ZFPM1: variants seen among roughly 807,000 people sequenced by gnomAD.
The protein encoded by ZFPM1 is zinc finger protein ZFPM1.
A neutral mutation model predicts 46.3 loss-of-function variants in ZFPM1; 28 were observed. That is an observed-to-expected ratio of 0.60 (90% CI 0.45 to 0.83). The LOEUF (loss-of-function observed/expected upper bound fraction) is 0.83, where lower values mean the gene tolerates loss of function less well. ZFPM1 is among the 40% of genes least tolerant of loss of function. The probability of loss-of-function intolerance (pLI) is 0.00; values close to 1 mark genes in which losing one functional copy is unlikely to be tolerated. For missense variants in ZFPM1, 1,878 were observed against 1,432.4 expected (o/e 1.31, Z -5.02); for synonymous variants, 957 against 675.9 (o/e 1.42, Z -6.45).
rs550519873 is a variant in ZFPM1, at chr16:88,518,459, G to C, written c.402+3939G>C. Among the ~76,000 whole-genome samples, 579 of 151,982 alleles carry C rather than the reference G, an allele frequency of 3.8e-3. 10 individuals carry two copies. Among genetic ancestry groups the C allele is most frequent in the Non-Finnish European group, 7.7e-4 (52 of 67,956 alleles). On this transcript the variant is annotated intron_variant, in intron 4 of 9. Transcript: ENST00000319555. ...GGATGCATGGATAGATGGATGGTGG[G>C]TGGATGGGTGGGTAGATGGGTAGAT...
intron 1 of ZFPM1, among the ~76,000 whole-genome samples, chr16:88,472,304 C>T (rs1244238434): frequency 2.0e-5 from 3 of 152,068 alleles, no homozygotes; most frequent in African/African-American, 7.2e-5. Flanking sequence ...GCGCCTGCTG[C>T]CACCACAGCA....
rs755607416 is a variant in ZFPM1, at chr16:88,534,817, G to A, written c.2859G>A (p.Ser953=). Residue 953 remains serine (S), a synonymous_variant, in exon 10 of 10, where the codon TCG becomes TCA. Transcript: ENST00000319555. ...VPPPPAPPSY[S]DKGVQTPSKG... ...CCCCGCCGGCGCCCCCCTCCTACTC[G>A]GACAAGGGCGTCCAGACTCCCAGCA... The A allele has an allele frequency of 3.3e-6, 5 of 1,512,422 alleles. No homozygotes were observed. In the African/African-American group the frequency reaches 7.1e-5, roughly 22 times the overall value. The allele number at this position is 1,512,422 out of a possible 1,614,324, so 93.7% of individuals were successfully genotyped here.
intron 1 of ZFPM1, among the ~76,000 whole-genome samples, chr16:88,459,186 C>T (rs1226905506): frequency 1.3e-5 from 2 of 152,194 alleles, no homozygotes; most frequent in Admixed American, 1.3e-4. Context: ...TGCCTGATGG[C>T]CTTGCCAGCC....
chr16:88,460,557 C>A (rs1200681369), intron 1 of ZFPM1, among the ~76,000 whole-genome samples: 2 of 152,226 alleles, frequency 1.3e-5, no homozygotes, highest in East Asian at 3.9e-4. Flanking sequence ...CTCTGCCCAA[C>A]ACCAGCCTTC....
intron 3 of ZFPM1, among the ~76,000 whole-genome samples, chr16:88,495,560 T>G (rs1288728590): frequency 6.6e-6 from 1 of 152,206 alleles, no homozygotes; most frequent in Non-Finnish European, 1.5e-5. Context: ...TGTGTCTGTC[T>G]GGGAGGCAGC....
chr16:88,526,285 G>T (rs369896789), intron 4 of ZFPM1, among the ~76,000 whole-genome samples: 6 of 152,322 alleles, frequency 3.9e-5, no homozygotes, highest in African/African-American at 1.2e-4. Flanking sequence ...AGGGTTGCTA[G>T]GGAAGTGCCG....
chr16:88,533,546 G>C lies in ZFPM1; in HGVS notation c.1588G>C (p.Val530Leu), dbSNP rs768976430. ...LAGALFLPQYVFGPDAAPPAS... is the reference protein window; with the variant it reads ...LAGALFLPQYLFGPDAAPPAS... ...CGGGGCCCTGTTCCTTCCGCAGTAC[G>C]TGTTCGGGCCCGACGCGGCGCCCCC... The change falls in exon 10 of 10, where the codon GTG becomes CTG. Residue 530 changes from valine to leucine, a missense_variant. By Grantham distance (32) the Val-to-Leu change is conservative. Coordinates refer to ENST00000319555, the MANE Select transcript of ZFPM1 (RefSeq NM_153813.3). 1.4e-5 allele frequency: 21 copies of C among 1,473,010 alleles called. No homozygotes were observed. The South Asian group carries it at 2.5e-4, about 18-fold the overall frequency. The allele number at this position is 1,473,010 out of a possible 1,614,324, so 91.2% of individuals were successfully genotyped here.
chr16:88,533,558 G>T lies in ZFPM1; in HGVS notation c.1600G>T (p.Asp534Tyr). The T allele has an allele frequency of 6.7e-7, 1 of 1,481,698 alleles. No individual in the cohort carries two copies. The highest frequency in any genetic ancestry group is 9.0e-7 in the Non-Finnish European group (1 of 1,117,080). The allele number at this position is 1,481,698 out of a possible 1,614,324, so 91.8% of individuals were successfully genotyped here. Reference sequence around the variant, plus strand: ...CCTTCCGCAGTACGTGTTCGGGCCCGACGCGGCGCCCCCCGCCTCGGAGAT... The same window carrying T: ...CCTTCCGCAGTACGTGTTCGGGCCCTACGCGGCGCCCCCCGCCTCGGAGAT... ...LFLPQYVFGP[D>Y]AAPPASEILA... The change falls in exon 10 of 10, where the codon GAC becomes TAC. Residue 534 changes from aspartate (D) to tyrosine (Y), a missense_variant. Transcript: ENST00000319555.
At chr16:88,500,108 C>T (rs885074) in intron 3 of ZFPM1, among the ~76,000 whole-genome samples, 27,283 of 152,146 alleles carry the variant, frequency 0.18, 2,749 homozygotes, top group East Asian at 0.28. Flanking sequence ...TCCGCCCTCC[C>T]ACCCGGCTTC....
chr16:88,521,065 G>GGGTGGGTGGATGGATGATTA (rs1300908339), intron 4 of ZFPM1, among the ~76,000 whole-genome samples: 1 of 109,610 alleles, frequency 9.1e-6, no homozygotes, highest in African/African-American at 2.7e-5. Flanking sequence ...ATGGGAGGGT[G>GGGTGGGTGGATGGATGATTA]GGTGGGTGGA....
rs976745969 is a variant in ZFPM1, at chr16:88,534,277, C to G, written c.2319C>G (p.Ser773Arg). 2 of 1,144,630 alleles carry G rather than the reference C, an allele frequency of 1.7e-6. No individual in the cohort carries two copies. The highest frequency in any genetic ancestry group is 3.3e-5 in the African/African-American group (2 of 59,962). The allele number at this position is 1,144,630 out of a possible 1,614,324, so 70.9% of individuals were successfully genotyped here. ...APAPESPRPG[S>R]GSGSGPGLAP... is the part of the protein sequence containing the mutation. The stretch of plus-strand genomic sequence containing the variant: ...CGCCCGAGTCGCCGCGGCCCGGAAG[C>G]GGAAGCGGAAGCGGCCCCGGCCTCG... The change falls in exon 10 of 10, where the codon AGC becomes AGG. Residue 773 changes from serine (S) to arginine (R), a missense_variant. Ser to Arg is a moderately radical substitution (Grantham distance 110). Transcript: ENST00000319555.
rs1909396876 is a variant in ZFPM1, at chr16:88,488,942, C to T, written c.146-89C>T. Reference sequence around the variant, plus strand: ...GGCCCGAGCTCCCCAACCCGGCGCCCAGCGCCTCAGCATCCTTCCCAGCTA... The same window carrying T: ...GGCCCGAGCTCCCCAACCCGGCGCCTAGCGCCTCAGCATCCTTCCCAGCTA... On this transcript the variant is annotated intron_variant, in intron 2 of 9. Coordinates refer to ENST00000319555, the MANE Select transcript of ZFPM1 (RefSeq NM_153813.3). The T allele has an allele frequency of 2.0e-6, 3 of 1,517,720 alleles. No individual in the cohort carries two copies. In the South Asian group the frequency reaches 3.9e-5, roughly 20 times the overall value. The allele number at this position is 1,517,720 out of a possible 1,614,324, so 94.0% of individuals were successfully genotyped here. A position where few individuals can be genotyped will look rare whatever the true frequency, so the allele number is the denominator to read the frequency against.
chr16:88,461,085 T>C (rs1297172118), intron 1 of ZFPM1, among the ~76,000 whole-genome samples: 1 of 84,692 alleles, frequency 1.2e-5, no homozygotes, highest in African/African-American at 5.7e-5. Context: ...GAAGGTCTGG[T>C]GAGGACCAAG....
chr16:88,533,346 AGGTGGAGGC>A lies in ZFPM1; in HGVS notation c.1397_1405del (p.Ala466_Glu468del), dbSNP rs1435907316. The A allele has an allele frequency of 1.6e-5, 25 of 1,531,716 alleles. No individual in the cohort carries two copies. The highest frequency in any genetic ancestry group is 2.2e-5 in the Non-Finnish European group (25 of 1,143,162). The allele number at this position is 1,531,716 out of a possible 1,614,324, so 94.9% of individuals were successfully genotyped here. ...CCCCCGGCGGCCCCCAGGAGCATCA[AGGTGGAGGC>A]GGTGGAGGAGCCGGAGGCGGCCCCC... On this transcript the variant is annotated inframe_deletion, in exon 10 of 10. Coordinates refer to ENST00000319555, the MANE Select transcript of ZFPM1 (RefSeq NM_153813.3).
At chr16:88,511,834 AC>A (rs1038072227) in intron 3 of ZFPM1, among the ~76,000 whole-genome samples, 3 of 151,894 alleles carry the variant, frequency 2.0e-5, no homozygotes, top group African/African-American at 7.3e-5. Context: ...ACCTGCATCC[AC>A]CCCCAAGAGG....
In ZFPM1 at chr16:88,471,188, G is replaced by T. The variant is rs1323633598; in HGVS notation, c.41-14751G>T. ...CCTCTCCACTTACTCCGCCCTGACC[G>T]CGATGGGCACTGAGAATTCAGACAA... On this transcript the variant is annotated intron_variant, in intron 1 of 9. Coordinates refer to ENST00000319555, the MANE Select transcript of ZFPM1 (RefSeq NM_153813.3). This position sits in a 1 kb window ranked among gnomAD's most constrained non-coding sequence, Gnocchi z 4.1. Among the ~76,000 whole-genome samples the T allele has an allele frequency of 1.3e-5, 2 of 151,114 alleles. No homozygotes were observed. The highest frequency in any genetic ancestry group is 4.9e-5 in the African/African-American group (2 of 40,412).
intron 3 of ZFPM1, among the ~76,000 whole-genome samples, chr16:88,498,697 G>T (rs1405021911): frequency 6.6e-6 from 1 of 152,232 alleles, no homozygotes; most frequent in African/African-American, 2.4e-5. Context: ...GGAGCCGGGG[G>T]CACCCCTCTA....
At chr16:88,532,985 T>C (rs1377151151) in intron 9 of ZFPM1, 50 bp downstream of exon 9, 2 of 1,607,252 alleles carry the variant, frequency 1.2e-6, no homozygotes, top group Non-Finnish European at 1.7e-6. Flanking sequence ...CCCTGAGCAG[T>C]GGGAAGGGAG....
At position 88,534,968 on chromosome 16, in the gene ZFPM1, C is replaced by T. The variant is rs374382546; in HGVS notation, c.3010C>T (p.His1004Tyr). 3.4e-6 allele frequency: 5 copies of T among 1,453,790 alleles called. No homozygotes were observed. Among genetic ancestry groups the T allele is most frequent in the African/African-American group, 1.4e-5 (1 of 69,352 alleles). The allele number at this position is 1,453,790 out of a possible 1,614,324, so 90.1% of individuals were successfully genotyped here. A position where few individuals can be genotyped will look rare whatever the true frequency, so the allele number is the denominator to read the frequency against. Residue 1004 changes from histidine to tyrosine, a missense_variant, in exon 10 of 10, where the codon CAC becomes TAC. By Grantham distance (83) the His-to-Tyr change is moderately conservative. Coordinates refer to ENST00000319555, the MANE Select transcript of ZFPM1 (RefSeq NM_153813.3). ...TTACTGCTCCTCGCACGCCGCCGAGCACGTGAAGTGAGCGCCCACACTACA... is the reference window on the plus strand; with the variant it reads ...TTACTGCTCCTCGCACGCCGCCGAGTACGTGAAGTGAGCGCCCACACTACA... ...KYYCSSHAAE[H>Y]VK
Sources: allele counts gnomAD v4.1 joint callset (sites outside exome capture counted in the v4.1 genomes callset), GRCh38; gene constraint gnomAD v4.1.1; non-coding constraint Gnocchi (gnomAD v3.1); transcripts MANE v1.5; gene names NCBI Gene and HGNC (gene_info 2026-07-23, HGNC 2026-07-21).